Variants in NCKAP5 observed in about 807,000 individuals in gnomAD.
NCKAP5 encodes the protein nck-associated protein 5.
A neutral mutation model predicts 167.0 loss-of-function variants in NCKAP5; 92 were observed. The ratio of observed to expected loss-of-function variants is 0.55; its 90% CI spans 0.47 to 0.66. The LOEUF is 0.66. NCKAP5 is among the 30% of genes least tolerant of loss of function. The pLI is 0.00. For missense variants in NCKAP5, 2,378 were observed against 2,315.0 expected (o/e 1.03, Z -0.56); for synonymous variants, 891 against 877.4 (o/e 1.02, Z -0.27).
intron 8 of NCKAP5, among the ~76,000 whole-genome samples, chr2:132,914,427 A>G (rs1694703195): frequency 6.6e-6 from 1 of 152,100 alleles, no homozygotes; most frequent in South Asian, 2.1e-4. Context: ...AAGATAGGAG[A>G]GGAAATTTGG....
intron 3 of NCKAP5, among the ~76,000 whole-genome samples, chr2:133,465,305 C>A (rs1661709113): frequency 6.6e-6 from 1 of 151,908 alleles, no homozygotes; most frequent in Admixed American, 6.6e-5. Context: ...GATGATTTCC[C>A]ATTTTATCCA....
intron 3 of NCKAP5, among the ~76,000 whole-genome samples, chr2:133,395,984 T>C (rs1192003408): frequency 1.3e-5 from 2 of 152,094 alleles, no homozygotes; most frequent in Non-Finnish European, 2.9e-5. Context: ...CAAGTTTCTT[T>C]CTCTCACCAT....
At chr2:132,705,981 AAAT>A (rs1688319654) in intron 19 of NCKAP5, among the ~76,000 whole-genome samples, 2 of 152,168 alleles carry the variant, frequency 1.3e-5, no homozygotes, top group African/African-American at 4.8e-5. Flanking sequence ...GTGTATTAAT[AAAT>A]AATAAGCATA....
chr2:133,191,296 G>A (rs2085207469), intron 5 of NCKAP5, among the ~76,000 whole-genome samples: 1 of 152,220 alleles, frequency 6.6e-6, no homozygotes. Context: ...AGGATGTGGA[G>A]AAATAGGAAC....
intron 7 of NCKAP5, among the ~76,000 whole-genome samples, chr2:132,976,339 T>G (rs1246834670): frequency 6.6e-6 from 1 of 151,526 alleles, no homozygotes. Context: ...CCAAGGCGGG[T>G]GGATCATGAG....
chr2:132,855,019 A>C (rs1689355184), intron 11 of NCKAP5, among the ~76,000 whole-genome samples: 1 of 152,118 alleles, frequency 6.6e-6, no homozygotes, highest in Admixed American at 6.5e-5. Context: ...TGGGCATATT[A>C]TGAAGAGGGA....
intron 3 of NCKAP5, among the ~76,000 whole-genome samples, chr2:133,310,396 A>C (rs1681149804): frequency 6.6e-6 from 1 of 152,216 alleles, no homozygotes; most frequent in Admixed American, 6.5e-5. Flanking sequence ...CTGGCTTCTA[A>C]GGCAGACTTT....
At chr2:133,004,869 C>A (rs1460053948) in intron 6 of NCKAP5, among the ~76,000 whole-genome samples, 1 of 152,146 alleles carries the variant, frequency 6.6e-6, no homozygotes, top group South Asian at 2.1e-4. Flanking sequence ...AGAGACCTCC[C>A]CCTGGGAATG....
intron 3 of NCKAP5, among the ~76,000 whole-genome samples, chr2:133,308,811 C>T (rs1221012236): frequency 3.4e-5 from 5 of 145,730 alleles, no homozygotes; most frequent in Admixed American, 2.1e-4. Flanking sequence ...CCCGGGTTCA[C>T]GCCATTCTCC....
At chr2:132,974,724 C>T (rs948260824) in intron 7 of NCKAP5, among the ~76,000 whole-genome samples, 1 of 152,160 alleles carries the variant, frequency 6.6e-6, no homozygotes, top group African/African-American at 2.4e-5. Flanking sequence ...CTACTGGCAG[C>T]GTTTCTCCCA....
At position 133,278,782 on chromosome 2, in the gene NCKAP5, CAAAA is replaced by C. The variant is rs59725110; in HGVS notation, c.143+24251_143+24254del. ...GAGGCTAATATCCATCCCTAAACTA[CAAAA>C]AAAAAAAAAAAAACCCTCTTAAAAT... On this transcript the variant is annotated intron_variant, in intron 4 of 19. Transcript: ENST00000409261. 4.2e-5 allele frequency among the ~76,000 whole-genome samples: 4 copies of C among 94,124 alleles called. 1 individual carries two copies. Among genetic ancestry groups the C allele is most frequent in the African/African-American group, 1.5e-4 (4 of 27,232 alleles). The allele number at this position is 94,124 out of a possible 152,430, so 61.7% of individuals were successfully genotyped here. A position where few individuals can be genotyped will look rare whatever the true frequency, so the allele number is the denominator to read the frequency against.
intron 15 of NCKAP5, among the ~76,000 whole-genome samples, chr2:132,776,868 G>A (rs1682596082): frequency 6.6e-6 from 1 of 152,096 alleles, no homozygotes; most frequent in Non-Finnish European, 1.5e-5. Context: ...GAGTAAGAGG[G>A]CTGCCAGGTC....
chr2:132,992,985 C>A (rs772873513), intron 7 of NCKAP5, among the ~76,000 whole-genome samples: 9 of 152,142 alleles, frequency 5.9e-5, no homozygotes, highest in Non-Finnish European at 1.2e-4. Flanking sequence ...GGCCAGATTT[C>A]TTAACTTACT....
At chr2:133,409,760 A>G (rs1373211384) in intron 3 of NCKAP5, among the ~76,000 whole-genome samples, 3 of 152,200 alleles carry the variant, frequency 2.0e-5, no homozygotes, top group Non-Finnish European at 4.4e-5. Flanking sequence ...CATGACTTAA[A>G]AAGGGCAAAG....
rs186817908 is a variant in NCKAP5, at chr2:133,308,969, C to T, written c.70-5859G>A. Among the ~76,000 whole-genome samples, 390 of 151,704 alleles carry T rather than the reference C, an allele frequency of 2.6e-3. 4 individuals carry two copies. Among genetic ancestry groups the T allele is most frequent in the African/African-American group, 8.8e-3 (366 of 41,382 alleles). On this transcript the variant is annotated intron_variant, in intron 3 of 19. Transcript: ENST00000409261. ...TCATGATCCACCCGCCTCGGCCTCC[C>T]AAAGTGCTGGGATTACAGGCGTGAG...
intron 5 of NCKAP5, among the ~76,000 whole-genome samples, chr2:133,160,629 A>G (rs1313217359): frequency 2.0e-5 from 3 of 152,030 alleles, no homozygotes; most frequent in Non-Finnish European, 2.9e-5. Flanking sequence ...AATATATAAA[A>G]TAGCAACTCT....
chr2:133,130,732 G>C (rs1044584207), intron 5 of NCKAP5, among the ~76,000 whole-genome samples: 1 of 152,212 alleles, frequency 6.6e-6, no homozygotes, highest in African/African-American at 2.4e-5. Context: ...GGATGACACA[G>C]AATAGACGGT....
chr2:133,115,062 A>G (rs2082028593), intron 6 of NCKAP5, among the ~76,000 whole-genome samples: 1 of 152,196 alleles, frequency 6.6e-6, no homozygotes, highest in Non-Finnish European at 1.5e-5. Flanking sequence ...TAAAGACAGA[A>G]TGCTTCTTTC....
chr2:132,779,623 C>T (rs1682849061), intron 15 of NCKAP5, among the ~76,000 whole-genome samples: 1 of 150,630 alleles, frequency 6.6e-6, no homozygotes, highest in Non-Finnish European at 1.5e-5. Context: ...AAAACTTTTG[C>T]AACGAACATA....
Sources: allele counts gnomAD v4.1 joint callset (sites outside exome capture counted in the v4.1 genomes callset), GRCh38; gene constraint gnomAD v4.1.1; transcripts MANE v1.5; gene names NCBI Gene and HGNC (gene_info 2026-07-23, HGNC 2026-07-21).